FAM178B: variants seen among roughly 807,000 people sequenced by gnomAD.
FAM178B encodes the protein protein FAM178B.
In FAM178B, 82 loss-of-function variants were observed where a neutral mutation model predicts 91.7. The ratio of observed to expected loss-of-function variants is 0.89; its 90% confidence interval spans 0.75 to 1.07. FAM178B has a LOEUF of 1.07. FAM178B is among the 50% of genes least tolerant of loss of function. FAM178B has a pLI of 0.00. For synonymous variants in FAM178B, 368 were observed against 359.4 expected (o/e 1.02, Z -0.27); for missense variants, 769 against 846.7 (o/e 0.91, Z 1.14).
intron 5 of FAM178B, among the ~76,000 whole-genome samples, chr2:96,963,619 A>T (rs1381446079): frequency 1.3e-5 from 2 of 152,126 alleles, no homozygotes; most frequent in Non-Finnish European, 2.9e-5. Context: ...TTCACCATAA[A>T]AACTGGCACC....
intron 12 of FAM178B, among the ~76,000 whole-genome samples, chr2:96,906,860 C>T (rs965930056): frequency 3.3e-5 from 5 of 152,238 alleles, no homozygotes; most frequent in South Asian, 2.1e-4. Flanking sequence ...CCACAGTGAA[C>T]TCAAAGCCAG....
chr2:96,985,838 C>T (rs1433272255), intron 1 of FAM178B, among the ~76,000 whole-genome samples: 2 of 152,164 alleles, frequency 1.3e-5, no homozygotes, highest in African/African-American at 4.8e-5. Context: ...ACAAAGAAAA[C>T]GGTCTCCAGC....
chr2:96,942,377 G>A (rs1324932322), intron 8 of FAM178B, among the ~76,000 whole-genome samples: 1 of 152,158 alleles, frequency 6.6e-6, no homozygotes, highest in Non-Finnish European at 1.5e-5. Flanking sequence ...CATGGAAATG[G>A]AAAGGACCCC....
rs182739169 is a variant in FAM178B at position 96,878,063 on chromosome 2, C to G, written c.1855-21G>C. On this transcript the variant is annotated intron_variant, in intron 15 of 16. Coordinates refer to ENST00000490605, the MANE Select transcript of FAM178B (RefSeq NM_001122646.3). ...TCGCCCTGTGGAGGCGGAGGGAGGCCAAGAAGCGGGTGTAGCACAAGCCAG... is the reference window on the plus strand; with the variant it reads ...TCGCCCTGTGGAGGCGGAGGGAGGCGAAGAAGCGGGTGTAGCACAAGCCAG... 6.2e-6 allele frequency: 10 copies of G among 1,603,504 alleles called. No homozygotes were observed. In the African/African-American group the frequency reaches 1.3e-4, roughly 21 times the overall value.
At chr2:96,939,939 G>A (rs1044305942) in intron 8 of FAM178B, among the ~76,000 whole-genome samples, 1 of 152,114 alleles carries the variant, frequency 6.6e-6, no homozygotes, top group Admixed American at 6.5e-5. Context: ...CAAGAATAAT[G>A]TTTTTAAAAA....
At chr2:96,924,009 A>G (rs2081391676) in intron 9 of FAM178B, among the ~76,000 whole-genome samples, 1 of 152,222 alleles carries the variant, frequency 6.6e-6, no homozygotes, top group Non-Finnish European at 1.5e-5. Flanking sequence ...CCTAACCTCG[A>G]AAGTGACATC....
chr2:96,929,134 G>T, intron 9 of FAM178B, 72 bp downstream of exon 9: 2 of 1,092,328 alleles, frequency 1.8e-6, no homozygotes, highest in Non-Finnish European at 2.7e-6. Context: ...TTCCAGTTCT[G>T]AGTGACAGAG....
At chr2:96,978,534 AAT>A (rs1215806931) in intron 1 of FAM178B, among the ~76,000 whole-genome samples, 1 of 152,146 alleles carries the variant, frequency 6.6e-6, no homozygotes, top group African/African-American at 2.4e-5. Context: ...TGTAAGTGAG[AAT>A]ATGTGGTATT....
chr2:96,890,332 T>G (rs2080642293), intron 14 of FAM178B, among the ~76,000 whole-genome samples: 1 of 152,000 alleles, frequency 6.6e-6, no homozygotes, highest in African/African-American at 2.4e-5. Flanking sequence ...CCCGGTGTGG[T>G]AGCATGTGCC....
chr2:96,890,980 T>A (rs1436898944), intron 14 of FAM178B, among the ~76,000 whole-genome samples: 2 of 152,186 alleles, frequency 1.3e-5, no homozygotes, highest in African/African-American at 4.8e-5. Context: ...CTCAGCTTTG[T>A]TTTCTTTATC....
intron 7 of FAM178B, among the ~76,000 whole-genome samples, chr2:96,948,587 G>C (rs2081869892): frequency 6.6e-6 from 1 of 152,220 alleles, no homozygotes; most frequent in Non-Finnish European, 1.5e-5. Context: ...CACTCACCAA[G>C]TTCACGACAG....
chr2:96,924,364 C>T (rs2081398623), intron 9 of FAM178B, among the ~76,000 whole-genome samples: 1 of 152,202 alleles, frequency 6.6e-6, no homozygotes, highest in South Asian at 2.1e-4. Flanking sequence ...AAAACCCCCT[C>T]CAAAGGTGTC....
chr2:96,977,178 G>C (rs7594281), intron 1 of FAM178B, among the ~76,000 whole-genome samples: 1,413 of 114,820 alleles, frequency 0.012, 24 homozygotes, highest in African/African-American at 0.045. Flanking sequence ...CTGGGTGACA[G>C]AGCAAGACTC....
chr2:96,978,122 G>T (rs920501678), intron 1 of FAM178B, among the ~76,000 whole-genome samples: 3 of 152,156 alleles, frequency 2.0e-5, no homozygotes, highest in Admixed American at 2.0e-4. Context: ...TTAGTGCACG[G>T]AAGTCGTCTC....
At chr2:96,919,882 C>T (rs1218536591) in intron 12 of FAM178B, among the ~76,000 whole-genome samples, 1 of 152,180 alleles carries the variant, frequency 6.6e-6, no homozygotes, top group East Asian at 1.9e-4. Flanking sequence ...AGCACTGAAG[C>T]GGAGCCCAGG....
intron 2 of FAM178B, 76 bp from the exon 3 acceptor site, chr2:96,972,398 G>T: frequency 6.8e-7 from 1 of 1,479,274 alleles, no homozygotes. Context: ...ACTGGGTAAG[G>T]AGAGCAGCAA....
intron 14 of FAM178B, among the ~76,000 whole-genome samples, chr2:96,889,677 CAAAT>C (rs371885604): frequency 0.013 from 1,669 of 126,552 alleles, 15 homozygotes; most frequent in Middle Eastern, 0.03. Context: ...GACTCTGTCT[CAAAT>C]AAATAAATAA....
chr2:96,894,078 T>A, intron 13 of FAM178B, 27 bp from the exon 14 acceptor site: 1 of 1,584,496 alleles, frequency 6.3e-7, no homozygotes, highest in African/African-American at 1.3e-5. Context: ...AGGCTGTCAC[T>A]CACAGAGGGT....
intron 1 of FAM178B, among the ~76,000 whole-genome samples, chr2:96,985,008 G>C (rs1260818973): frequency 6.6e-6 from 1 of 152,154 alleles, no homozygotes; most frequent in Non-Finnish European, 1.5e-5. Context: ...ATGACACAAA[G>C]AAAGACACAA....
Sources: allele counts gnomAD v4.1 joint callset (sites outside exome capture counted in the v4.1 genomes callset), GRCh38; gene constraint gnomAD v4.1.1; transcripts MANE v1.5; gene names NCBI Gene and HGNC (gene_info 2026-07-23, HGNC 2026-07-21).